WWOX: variants seen among roughly 807,000 people sequenced by gnomAD.
The protein encoded by WWOX is WW domain containing oxidoreductase.
Under a neutral mutation model 46.2 loss-of-function variants are expected in WWOX, and 69 were observed. That is an observed-to-expected ratio of 1.49 (90% CI 1.23 to 1.82). The LOEUF (loss-of-function observed/expected upper bound fraction) is 1.82, where lower values mean the gene tolerates loss of function less well. WWOX is among the 40% of genes most tolerant of loss of function. The pLI is 0.00. For synonymous variants in WWOX, 359 were observed against 202.6 expected (o/e 1.77, Z -6.56); for missense variants, 919 against 542.6 (o/e 1.69, Z -6.89).
Position 79,045,780 on chromosome 16 carries a change from CTTTTTTTTTTTTTTTTTTTTTTTTTT to C in WWOX, c.1057-165814_1057-165789del, listed in dbSNP as rs770463813. Among the ~76,000 whole-genome samples, 4 of 54,226 alleles carry C rather than the reference CTTTTTTTTTTTTTTTTTTTTTTTTTT, an allele frequency of 7.4e-5. No homozygotes were observed. In the Admixed American group the frequency reaches 7.9e-4, roughly 11 times the overall value. 35.6% of individuals were successfully genotyped at this position (54,226 alleles called of 152,430 possible). ...AGCTCGTCTTTCCTTTTTTCTTTTC[CTTTTTTTTTTTTTTTTTTTTTTTTTT>C]TTTTTTTTTTTTTGAGATGGAGTCT... On this transcript the variant is annotated intron_variant, in intron 8 of 8. Coordinates refer to ENST00000566780, the MANE Select transcript of WWOX (RefSeq NM_016373.4).
intron 8 of WWOX, among the ~76,000 whole-genome samples, chr16:78,755,416 T>G (rs75294682): frequency 0.01 from 1,583 of 152,228 alleles, 20 homozygotes; most frequent in African/African-American, 0.032. Context: ...TGGACCATGA[T>G]ATTACATGTT....
At chr16:78,814,276 C>G (rs1436220515) in intron 8 of WWOX, among the ~76,000 whole-genome samples, 1 of 152,144 alleles carries the variant, frequency 6.6e-6, no homozygotes, top group East Asian at 1.9e-4. Flanking sequence ...TTTATTTCCC[C>G]TTCCCCTCTT....
At chr16:78,875,685 G>T (rs868650625) in intron 8 of WWOX, among the ~76,000 whole-genome samples, 2 of 152,124 alleles carry the variant, frequency 1.3e-5, no homozygotes, top group Admixed American at 1.3e-4. Flanking sequence ...CCATAAACAA[G>T]ACTTGGTTTT....
intron 8 of WWOX, among the ~76,000 whole-genome samples, chr16:79,083,905 C>G (rs1385151723): frequency 6.6e-6 from 1 of 152,206 alleles, no homozygotes; most frequent in African/African-American, 2.4e-5. Context: ...CTTCATCTTC[C>G]TGCGGTGGGT....
intron 5 of WWOX, among the ~76,000 whole-genome samples, chr16:78,324,894 A>G (rs1018841965): frequency 3.3e-5 from 5 of 152,182 alleles, no homozygotes; most frequent in African/African-American, 1.2e-4. Flanking sequence ...TGAATTATAC[A>G]ATTTTAAATG....
chr16:79,091,049 A>C (rs969233881), intron 8 of WWOX, among the ~76,000 whole-genome samples: 2 of 152,014 alleles, frequency 1.3e-5, no homozygotes, highest in African/African-American at 2.4e-5. Context: ...CGGCCTCCCA[A>C]AGTACTGGGA....
chr16:79,184,993 T>G (rs976775189), intron 8 of WWOX, among the ~76,000 whole-genome samples: 2 of 152,164 alleles, frequency 1.3e-5, no homozygotes, highest in Non-Finnish European at 2.9e-5. Flanking sequence ...AATGAAACAT[T>G]TATGCTGTTT....
Position 78,502,826 on chromosome 16 carries a change from A to G in WWOX, c.1056+70074A>G, listed in dbSNP as rs117472354. 4.4e-4 allele frequency among the ~76,000 whole-genome samples: 67 copies of G among 152,286 alleles called. No individual in the cohort carries two copies. In the East Asian group the frequency reaches 0.011, roughly 26 times the overall value. ...ACGTTGGTGATTTTTTTCATGCTCT[A>G]CTTACAGTATGACTCGTAACTGTTA... On this transcript the variant is annotated intron_variant, in intron 8 of 8. Coordinates refer to ENST00000566780, the MANE Select transcript of WWOX (RefSeq NM_016373.4).
intron 8 of WWOX, among the ~76,000 whole-genome samples, chr16:78,853,392 T>C (rs2052495276): frequency 6.6e-6 from 1 of 152,168 alleles, no homozygotes; most frequent in African/African-American, 2.4e-5. Context: ...TTTGTATTTT[T>C]AGTAGAGACA....
intron 8 of WWOX, among the ~76,000 whole-genome samples, chr16:79,044,242 A>T (rs1419078946): frequency 6.6e-6 from 1 of 151,648 alleles, no homozygotes; most frequent in East Asian, 1.9e-4. Flanking sequence ...AGTTACCATC[A>T]AAATCCGTCG....
At chr16:78,404,828 G>A (rs75099711) in intron 6 of WWOX, among the ~76,000 whole-genome samples, 1 of 152,144 alleles carries the variant, frequency 6.6e-6, no homozygotes, top group Non-Finnish European at 1.5e-5. Context: ...CAGGAAGCCA[G>A]AACACAGGGC....
At chr16:78,376,694 G>A (rs73569009) in intron 5 of WWOX, among the ~76,000 whole-genome samples, 2,188 of 152,234 alleles carry the variant, frequency 0.014, 55 homozygotes, top group African/African-American at 0.051. Flanking sequence ...CTGGATGCCA[G>A]TTCACTTTCC....
intron 8 of WWOX, among the ~76,000 whole-genome samples, chr16:79,033,735 C>A (rs79030544): frequency 0.014 from 2,076 of 152,320 alleles, 47 homozygotes; most frequent in African/African-American, 0.047. Flanking sequence ...CAAGCCCAGC[C>A]CCTGGCAACC....
At chr16:78,812,999 G>A (rs948627340) in intron 8 of WWOX, among the ~76,000 whole-genome samples, 3 of 151,626 alleles carry the variant, frequency 2.0e-5, no homozygotes, top group Non-Finnish European at 4.4e-5. Flanking sequence ...AACACAATTA[G>A]GGAATCTACC....
intron 5 of WWOX, among the ~76,000 whole-genome samples, chr16:78,339,419 G>C (rs1234941241): frequency 8.5e-6 from 1 of 116,960 alleles, no homozygotes; most frequent in East Asian, 1.9e-4. Flanking sequence ...TGCAGTTTGG[G>C]GTTGTTGTCC....
At chr16:78,864,899 A>T (rs747232154) in intron 8 of WWOX, among the ~76,000 whole-genome samples, 2 of 150,452 alleles carry the variant, frequency 1.3e-5, no homozygotes, top group Non-Finnish European at 2.9e-5. Flanking sequence ...AGTAGCTGGG[A>T]CCACAGGCGT....
chr16:78,500,946 C>T (rs956735709), intron 8 of WWOX, among the ~76,000 whole-genome samples: 1 of 152,108 alleles, frequency 6.6e-6, no homozygotes, highest in African/African-American at 2.4e-5. Flanking sequence ...ATGCAGGTAC[C>T]ACGCTTAGGT....
At chr16:78,351,522 C>T (rs1004186993) in intron 5 of WWOX, among the ~76,000 whole-genome samples, 2 of 152,258 alleles carry the variant, frequency 1.3e-5, no homozygotes, top group Admixed American at 6.5e-5. Context: ...CAGGAATGTT[C>T]AGGAAGCAGG....
intron 5 of WWOX, among the ~76,000 whole-genome samples, chr16:78,291,010 C>G (rs1216365474): frequency 6.6e-6 from 1 of 152,148 alleles, no homozygotes; most frequent in African/African-American, 2.4e-5. Context: ...ATTGCCTTTT[C>G]TTATTTACAT....
Sources: allele counts gnomAD v4.1 joint callset (sites outside exome capture counted in the v4.1 genomes callset), GRCh38; gene constraint gnomAD v4.1.1; transcripts MANE v1.5; gene names NCBI Gene and HGNC (gene_info 2026-07-23, HGNC 2026-07-21).